Variants in PRKN observed in about 807,000 individuals in gnomAD.
PRKN encodes the protein parkin RBR E3 ubiquitin protein ligase.
PRKN carries 56 observed loss-of-function variants against 59.5 expected under a neutral mutation model. The ratio of observed to expected loss-of-function variants is 0.94; its 90% CI spans 0.76 to 1.18. The LOEUF (loss-of-function observed/expected upper bound fraction) is 1.18. PRKN is among the 50% of genes most tolerant of loss of function. The pLI is 0.00. For missense variants in PRKN, 657 were observed against 596.4 expected (o/e 1.10, Z -1.06); for synonymous variants, 250 against 222.1 (o/e 1.13, Z -1.12).
chr6:162,370,654 C>T (rs1277399758), intron 2 of PRKN, among the ~76,000 whole-genome samples: 6 of 152,130 alleles, frequency 3.9e-5, no homozygotes, highest in Admixed American at 6.5e-5. Flanking sequence ...GTGAAATTCA[C>T]GTTTACTTAT....
Position 161,873,899 on chromosome 6 carries a change from T to A in PRKN, c.735-87991A>T, listed in dbSNP as rs566615506. Among the ~76,000 whole-genome samples the A allele has an allele frequency of 1.2e-3, 135 of 114,688 alleles. 14 individuals are homozygous for A. The highest frequency in any genetic ancestry group is 5.0e-3 in the African/African-American group (122 of 24,400). The allele number at this position is 114,688 out of a possible 152,430, so 75.2% of individuals were successfully genotyped here. A position where few individuals can be genotyped will look rare whatever the true frequency, so the allele number is the denominator to read the frequency against. On this transcript the variant is annotated intron_variant, in intron 6 of 11. Transcript: ENST00000366898. ...TTATATATAAATAAAAATTATATAC[T>A]ATATATAAAATATATAAATATATAA...
rs188956110 is a variant in PRKN, at chr6:162,238,556, C to T, written c.412+23969G>A. Among the ~76,000 whole-genome samples, 207 of 152,272 alleles carry T rather than the reference C, an allele frequency of 1.4e-3. 1 individual carries two copies. The highest frequency in any genetic ancestry group is 4.4e-3 in the African/African-American group (183 of 41,552). ...TCTTAAAATAAAAACCCAAGGAAGA[C>T]GTTAGTATTCCTTGTTTCTGGAAAA... On this transcript the variant is annotated intron_variant, in intron 3 of 11. Coordinates refer to ENST00000366898, the MANE Select transcript of PRKN (RefSeq NM_004562.3).
At chr6:161,632,902 G>C (rs184733165) in intron 7 of PRKN, among the ~76,000 whole-genome samples, 28 of 152,222 alleles carry the variant, frequency 1.8e-4, no homozygotes, top group Admixed American at 1.4e-3. Flanking sequence ...CCTCCCACTA[G>C]GTCCCTCCCA....
chr6:162,117,346 G>GT (rs1450129597), intron 4 of PRKN, among the ~76,000 whole-genome samples: 3 of 152,350 alleles, frequency 2.0e-5, no homozygotes, highest in South Asian at 2.1e-4. Context: ...TCTACTAGGC[G>GT]TAGGCTTTCG....
At position 161,969,921 on chromosome 6, in the gene PRKN, C is replaced by T. The variant is rs567783467; in HGVS notation, c.734+3381G>A. 4.6e-5 allele frequency among the ~76,000 whole-genome samples: 7 copies of T among 152,262 alleles called. No homozygotes were observed. In the East Asian group the frequency reaches 1.4e-3, roughly 29 times the overall value. On this transcript the variant is annotated intron_variant, in intron 6 of 11. Transcript: ENST00000366898. ...GGCCTAATTTTTCATGGTTGTGTGA[C>T]AAGGACTCTGTTTTTAGCTGAACTA...
At chr6:162,030,946 G>A (rs766440424) in intron 5 of PRKN, among the ~76,000 whole-genome samples, 9 of 152,162 alleles carry the variant, frequency 5.9e-5, no homozygotes, top group Non-Finnish European at 8.8e-5. Context: ...GAGGAGCCAC[G>A]AAAGGAGTAA....
intron 7 of PRKN, among the ~76,000 whole-genome samples, chr6:161,589,015 A>G (rs1271873119): frequency 6.6e-6 from 1 of 152,234 alleles, no homozygotes; most frequent in Non-Finnish European, 1.5e-5. Flanking sequence ...ACAGAAGGCC[A>G]TTTGTAGCAT....
chr6:161,804,713 C>A (rs552942051), intron 6 of PRKN, among the ~76,000 whole-genome samples: 1 of 152,218 alleles, frequency 6.6e-6, no homozygotes, highest in Admixed American at 6.5e-5. Flanking sequence ...CCCAACAATG[C>A]GTTTTAGAGT....
chr6:162,328,099 G>A (rs1333815539), intron 2 of PRKN, among the ~76,000 whole-genome samples: 2 of 152,208 alleles, frequency 1.3e-5, no homozygotes, highest in South Asian at 2.1e-4. Context: ...GGTGGCTGAC[G>A]CGTGGAATCC....
intron 6 of PRKN, among the ~76,000 whole-genome samples, chr6:161,945,766 C>T (rs547940389): frequency 1.3e-5 from 2 of 152,258 alleles, no homozygotes; most frequent in South Asian, 4.1e-4. Context: ...GCTCACAGAT[C>T]CATCTTGAAG....
At chr6:162,610,926 T>C (rs763105275) in intron 1 of PRKN, among the ~76,000 whole-genome samples, 6 of 152,170 alleles carry the variant, frequency 3.9e-5, no homozygotes, top group Admixed American at 6.6e-5. Context: ...GTTGTAACAA[T>C]ATCACATGCA....
chr6:162,079,474 A>G (rs901265767), intron 4 of PRKN, among the ~76,000 whole-genome samples: 1 of 152,130 alleles, frequency 6.6e-6, no homozygotes, highest in African/African-American at 2.4e-5. Context: ...TAACTTGTCA[A>G]CTAATTTTGT....
chr6:162,319,404 G>A (rs761677500), intron 2 of PRKN, among the ~76,000 whole-genome samples: 1 of 151,956 alleles, frequency 6.6e-6, no homozygotes, highest in Non-Finnish European at 1.5e-5. Context: ...GTCCGTTGCT[G>A]CAGTTGATTA....
Position 162,042,250 on chromosome 6 carries a change from A to G in PRKN, c.618+11841T>C, listed in dbSNP as rs552443042. 4.6e-5 allele frequency among the ~76,000 whole-genome samples: 7 copies of G among 152,226 alleles called. No individual in the cohort carries two copies. The South Asian group carries it at 1.5e-3, about 32-fold the overall frequency. On this transcript the variant is annotated intron_variant, in intron 5 of 11. Transcript: ENST00000366898. ...CATTTATTTTATTGAAATAAAAGCA[A>G]ACATAAATGGAGAAAAATGCACTGA...
At chr6:161,697,134 C>G (rs142091788) in intron 7 of PRKN, among the ~76,000 whole-genome samples, 3 of 152,104 alleles carry the variant, frequency 2.0e-5, no homozygotes, top group Non-Finnish European at 2.9e-5. Context: ...GCCTGTTAGT[C>G]CCTTAGCAGC....
At chr6:162,358,632 T>A (rs939693641) in intron 2 of PRKN, among the ~76,000 whole-genome samples, 4 of 152,164 alleles carry the variant, frequency 2.6e-5, no homozygotes, top group Non-Finnish European at 4.4e-5. Context: ...AGATAACTAT[T>A]AAAGATCATT....
In PRKN at chr6:161,883,517, G is replaced by C. The variant is rs563821885; in HGVS notation, c.734+89785C>G. Among the ~76,000 whole-genome samples the C allele has an allele frequency of 1.3e-3, 197 of 151,630 alleles. 5 individuals are homozygous for C. Among genetic ancestry groups the C allele is most frequent in the African/African-American group, 4.3e-3 (177 of 41,374 alleles). On this transcript the variant is annotated intron_variant, in intron 6 of 11. Transcript: ENST00000366898. ...AGGGAAGGGAAGGGAAGGTGGGGAG[G>C]GGAGGGGAGGGCAGAAACATCTGAA...
intron 4 of PRKN, among the ~76,000 whole-genome samples, chr6:162,073,497 G>A (rs1462567083): frequency 6.6e-6 from 1 of 152,238 alleles, no homozygotes; most frequent in Non-Finnish European, 1.5e-5. Flanking sequence ...CTGTCACCCA[G>A]GCTTGAGTGC....
intron 1 of PRKN, among the ~76,000 whole-genome samples, chr6:162,453,497 G>T (rs904129852): frequency 1.6e-4 from 25 of 152,192 alleles, no homozygotes; most frequent in Admixed American, 1.4e-3. Flanking sequence ...GACCATGGAT[G>T]TTAGAACCCT....
Sources: gnomAD v4.1 joint callset for allele counts (sites outside exome capture counted in the v4.1 genomes callset) on GRCh38, gnomAD v4.1.1 for gene constraint, MANE v1.5 for transcripts, NCBI Gene and HGNC (gene_info 2026-07-23, HGNC 2026-07-21) for gene names.